The following NACC2 variants were observed in gnomAD, a reference collection of about 807,000 sequenced individuals.
NACC2 encodes NACC family member 2.
Under a neutral mutation model 25.1 loss-of-function variants are expected in NACC2, and 8 were observed. That is an observed-to-expected ratio of 0.32 (90% CI 0.19 to 0.57). The LOEUF is 0.57. Ranked by LOEUF, NACC2 falls within the 20% of genes least tolerant of loss-of-function variation. The pLI, the probability that NACC2 is intolerant of heterozygous loss-of-function variation, is 0.89. For missense variants in NACC2, 644 were observed against 650.2 expected, an observed-to-expected ratio of 0.99 and a Z score of 0.10; for synonymous variants, 435 against 294.7, an observed-to-expected ratio of 1.48 and a Z score of -4.88.
chr9:136,031,142 A>C (rs1421111861), intron 2 of NACC2, among the ~76,000 whole-genome samples: 1 of 152,206 alleles, frequency 6.6e-6, no homozygotes, highest in Non-Finnish European at 1.5e-5. Context: ...ACATTTTTTC[A>C]AAGGTTTAAG....
intron 1 of NACC2, among the ~76,000 whole-genome samples, chr9:136,073,319 A>C (rs915392942): frequency 2.0e-5 from 3 of 152,182 alleles, no homozygotes; most frequent in Non-Finnish European, 4.4e-5. Context: ...GGTCCCAGCT[A>C]CTTGGGAGAC....
At chr9:136,053,223 C>T (rs959555315) in intron 1 of NACC2, among the ~76,000 whole-genome samples, 3 of 152,242 alleles carry the variant, frequency 2.0e-5, no homozygotes, top group Non-Finnish European at 4.4e-5. Context: ...AGAGAGAGGG[C>T]CATCTGGCTC....
intron 3 of NACC2, among the ~76,000 whole-genome samples, chr9:136,015,760 C>T (rs1840190260): frequency 1.3e-5 from 2 of 152,204 alleles, no homozygotes; most frequent in African/African-American, 2.4e-5. Flanking sequence ...GCCCCATCTT[C>T]TCCTTAACAG....
At chr9:136,034,213 A>C (rs980912266) in intron 2 of NACC2, among the ~76,000 whole-genome samples, 2 of 152,172 alleles carry the variant, frequency 1.3e-5, no homozygotes, top group Non-Finnish European at 2.9e-5. Context: ...TCTCAGGGAG[A>C]ACGTAGGTCC....
chr9:136,053,602 A>G (rs1840880791), intron 1 of NACC2, among the ~76,000 whole-genome samples: 1 of 152,028 alleles, frequency 6.6e-6, no homozygotes, highest in Non-Finnish European at 1.5e-5. Context: ...TGCTGGACAC[A>G]ACCCGGGCAG....
rs542156332 is a variant in NACC2, at chr9:136,014,638, A to C, written c.1052-669T>G. The stretch of plus-strand genomic sequence containing the variant: ...GGCTGTGGCCCTGGGTTTGGGAAAC[A>C]CTCATGTCTTTGCCTTTCTGCTCCG... On this transcript the variant is annotated intron_variant, in intron 3 of 5. Coordinates refer to ENST00000277554, the MANE Select transcript of NACC2 (RefSeq NM_144653.5). Among the ~76,000 whole-genome samples, 3 of 152,186 alleles carry C rather than the reference A, an allele frequency of 2.0e-5. No individual in the cohort carries two copies. The South Asian group carries it at 6.2e-4, about 32-fold the overall frequency.
At chr9:136,087,631 A>G (rs1204378031) in intron 1 of NACC2, among the ~76,000 whole-genome samples, 3 of 152,194 alleles carry the variant, frequency 2.0e-5, no homozygotes, top group African/African-American at 7.2e-5. Context: ...AGAAAGCAGG[A>G]TACGGTACCC....
intron 1 of NACC2, 85 bp from the exon 2 acceptor site, chr9:136,050,665 G>C (rs948591598): frequency 1.1e-5 from 7 of 647,566 alleles, no homozygotes; most frequent in African/African-American, 5.4e-5. Flanking sequence ...CTCCTCCCCC[G>C]CCGGGGGCTT....
intron 1 of NACC2, among the ~76,000 whole-genome samples, chr9:136,076,475 C>T (rs772195023): frequency 6.6e-6 from 1 of 152,138 alleles, no homozygotes; most frequent in South Asian, 2.1e-4. Context: ...TCCACTCACA[C>T]GCGGGCACAG....
intron 2 of NACC2, among the ~76,000 whole-genome samples, chr9:136,030,849 G>A (rs567994837): frequency 1.3e-5 from 2 of 152,142 alleles, no homozygotes; most frequent in South Asian, 4.2e-4. Flanking sequence ...TTTTGGTAGA[G>A]ATGGGGTTTT....
At chr9:136,082,741 T>C (rs1322613034) in intron 1 of NACC2, among the ~76,000 whole-genome samples, 1 of 152,074 alleles carries the variant, frequency 6.6e-6, no homozygotes, top group African/African-American at 2.4e-5. Flanking sequence ...CACCATCAGA[T>C]CACAGCCCCC....
intron 2 of NACC2, among the ~76,000 whole-genome samples, chr9:136,017,445 C>A (rs1207429925): frequency 6.6e-6 from 1 of 152,048 alleles, no homozygotes; most frequent in Non-Finnish European, 1.5e-5. Context: ...GTGCGCGGGG[C>A]CAAGGAAACA....
At chr9:136,061,534 G>A (rs547674719) in intron 1 of NACC2, among the ~76,000 whole-genome samples, 9 of 152,308 alleles carry the variant, frequency 5.9e-5, no homozygotes, top group Admixed American at 1.3e-4. Context: ...AGGGGAAGGC[G>A]GATGGATGGG....
intron 1 of NACC2, among the ~76,000 whole-genome samples, chr9:136,085,221 C>T (rs1830366789): frequency 7.4e-6 from 1 of 134,918 alleles, no homozygotes; most frequent in Admixed American, 8.3e-5. Context: ...GCCATCTCAG[C>T]TCACTGCAAC....
intron 2 of NACC2, among the ~76,000 whole-genome samples, chr9:136,023,765 G>A (rs142239181): frequency 1.3e-5 from 2 of 152,360 alleles, no homozygotes; most frequent in East Asian, 3.9e-4. Flanking sequence ...ATAGGCACAG[G>A]TTGAATCAAT....
intron 1 of NACC2, among the ~76,000 whole-genome samples, chr9:136,074,693 G>A (rs1440937641): frequency 6.6e-6 from 1 of 151,816 alleles, no homozygotes; most frequent in African/African-American, 2.4e-5. Flanking sequence ...CCTCCACCAA[G>A]TCACACCCTA....
At chr9:136,037,913 G>A (rs941383104) in intron 2 of NACC2, among the ~76,000 whole-genome samples, 1 of 152,058 alleles carries the variant, frequency 6.6e-6, no homozygotes, top group African/African-American at 2.4e-5. Context: ...CATGTTTATG[G>A]CAGCTTAGTT....
At chr9:136,051,620 G>C (rs901735982) in intron 1 of NACC2, among the ~76,000 whole-genome samples, 8 of 152,092 alleles carry the variant, frequency 5.3e-5, no homozygotes, top group African/African-American at 1.9e-4. Flanking sequence ...GCGCCGGGTG[G>C]CGGGAGGAGG....
At chr9:136,087,874 TC>T (rs373770922) in intron 1 of NACC2, among the ~76,000 whole-genome samples, 186 of 152,166 alleles carry the variant, frequency 1.2e-3, no homozygotes, top group African/African-American at 4.3e-3. Flanking sequence ...GGGCAAGCCC[TC>T]CCCGTCCCTT....
Sources: allele counts gnomAD v4.1 joint callset (sites outside exome capture counted in the v4.1 genomes callset), GRCh38; gene constraint gnomAD v4.1.1; transcripts MANE v1.5; gene names NCBI Gene and HGNC (gene_info 2026-07-23, HGNC 2026-07-21).